EPN2: variants seen among roughly 807,000 people sequenced by gnomAD.
EPN2 encodes epsin 2, also known as epsin-2.
A neutral mutation model predicts 61.7 loss-of-function variants in EPN2; 34 were observed. The ratio of observed to expected loss-of-function variants is 0.55; its 90% CI spans 0.42 to 0.73. The LOEUF (loss-of-function observed/expected upper bound fraction) is 0.73, where lower values mean the gene tolerates loss of function less well. Among genes scored for constraint, EPN2 ranks in the 30% least tolerant of loss-of-function variants. EPN2 has a pLI of 0.00. For synonymous variants in EPN2, 349 were observed against 353.6 expected, an observed-to-expected ratio of 0.99 and a Z score of 0.15; for missense variants, 714 against 839.2, an observed-to-expected ratio of 0.85 and a Z score of 1.84.
chr17:19,313,205 C>A lies in EPN2; in HGVS notation c.1073C>A (p.Ala358Asp). 1.9e-6 allele frequency: 3 copies of A among 1,609,296 alleles called. No individual in the cohort carries two copies. Among genetic ancestry groups the A allele is most frequent in the Non-Finnish European group, 1.7e-6 (2 of 1,178,398 alleles). ...AQKAEPWGPS[A>D]STNQTNPWGG... The stretch of plus-strand genomic sequence containing the variant: ...AAAGCAGAGCCCTGGGGCCCGTCAG[C>A]CTCCACTAACCAGACCAACCCCTGG... The change falls in exon 7 of 11, where the codon GCC becomes GAC. Residue 358 changes from alanine (A) to aspartate (D), a missense_variant. Coordinates refer to ENST00000314728, the MANE Select transcript of EPN2 (RefSeq NM_014964.5).
intron 1 of EPN2, among the ~76,000 whole-genome samples, chr17:19,280,931 A>G (rs969034794): frequency 2.6e-5 from 4 of 152,220 alleles, no homozygotes; most frequent in Admixed American, 1.3e-4. Flanking sequence ...TTTGGGTTCA[A>G]TTAATTCGGT....
intron 4 of EPN2, among the ~76,000 whole-genome samples, chr17:19,290,714 AAG>A (rs1251094091): frequency 1.9e-4 from 16 of 83,556 alleles, no homozygotes; most frequent in African/African-American, 3.0e-4. Context: ...AAAAAAAAAA[AAG>A]AAAAAAAAAG....
Position 19,335,597 on chromosome 17 carries a change from C to T in EPN2, c.*1343C>T. 1 of 881,310 alleles carries T rather than the reference C, an allele frequency of 1.1e-6. No homozygotes were observed. The highest frequency in any genetic ancestry group is 2.2e-5 in the South Asian group (1 of 45,922). 54.6% of individuals were successfully genotyped at this position (881,310 alleles called of 1,614,324 possible). A position where few individuals can be genotyped will look rare whatever the true frequency, so the allele number is the denominator to read the frequency against. On this transcript the variant is annotated 3_prime_UTR_variant, in exon 11 of 11. Transcript: ENST00000314728. ...TCTGTGCCCACGGGTCCCTGGGCAA[C>T]AGTCCCTAGGCTAAGACAGGGGTGG...
At chr17:19,264,412 A>G (rs906310143) in intron 1 of EPN2, among the ~76,000 whole-genome samples, 3 of 152,180 alleles carry the variant, frequency 2.0e-5, no homozygotes, top group Non-Finnish European at 2.9e-5. Context: ...AGGGCCCGTC[A>G]AAAGCATGTG....
chr17:19,335,519 T>C lies in EPN2; in HGVS notation c.*1265T>C. ...TCTTAATCCACGCTCAGGCTAAAGA[T>C]GGGGATAATGTGGAAATGGCAGTTG... is the stretch of plus-strand genomic sequence containing the variant. On this transcript the variant is annotated 3_prime_UTR_variant, in exon 11 of 11. Coordinates refer to ENST00000314728, the MANE Select transcript of EPN2 (RefSeq NM_014964.5). 3.3e-6 allele frequency: 5 copies of C among 1,518,230 alleles called. No individual in the cohort carries two copies. The South Asian group carries it at 6.2e-5, about 19-fold the overall frequency. The allele number at this position is 1,518,230 out of a possible 1,614,324, so 94.0% of individuals were successfully genotyped here.
At chr17:19,281,346 C>T (rs912346766) in intron 1 of EPN2, among the ~76,000 whole-genome samples, 1 of 152,124 alleles carries the variant, frequency 6.6e-6, no homozygotes, top group Non-Finnish European at 1.5e-5. Context: ...GTGGAGATTC[C>T]GAGGATTTTA....
intron 4 of EPN2, among the ~76,000 whole-genome samples, chr17:19,309,170 G>T (rs1166169957): frequency 6.8e-6 from 1 of 147,754 alleles, no homozygotes; most frequent in African/African-American, 2.5e-5. Context: ...TTGAGACGGA[G>T]TCTCGCTCTG....
rs113916739 is a variant in EPN2, at chr17:19,285,589, C to CTGTGTG, written c.596-19_596-14dup. The CTGTGTG allele has an allele frequency of 1.2e-5, 17 of 1,427,436 alleles. No individual in the cohort carries two copies. Among genetic ancestry groups the CTGTGTG allele is most frequent in the Admixed American group, 4.8e-5 (2 of 41,760 alleles). 88.4% of individuals were successfully genotyped at this position (1,427,436 alleles called of 1,614,324 possible). On this transcript the variant is annotated intron_variant, in intron 3 of 10. Transcript: ENST00000314728. The surrounding 1 kb of genome is among the most constrained non-coding windows in gnomAD (Gnocchi z 4.5). ...GCGCACCCTCTAATGGCGTGTCTCT[C>CTGTGTG]TGTGTGTGTGTGTGTGTCCCTGCCC...
Position 19,237,430 on chromosome 17 carries a change from G to A in EPN2, c.-395G>A, listed in dbSNP as rs2044825291. 6.6e-6 allele frequency: 1 copy of A among 152,042 alleles called. No individual in the cohort carries two copies. The highest frequency in any genetic ancestry group is 6.6e-5 in the Admixed American group (1 of 15,266). The allele number at this position is 152,042 out of a possible 1,614,324, so 9.4% of individuals were successfully genotyped here. A position where few individuals can be genotyped will look rare whatever the true frequency, so the allele number is the denominator to read the frequency against. On this transcript the variant is annotated 5_prime_UTR_variant, in exon 1 of 11. Transcript: ENST00000314728. ...GGTGTGTGGGTGTCAAACTGAGCCA[G>A]ACGCGGCGGTGGCGGCGGCTCCGCG... is the stretch of plus-strand genomic sequence containing the variant.
chr17:19,321,245 C>T (rs373783464), intron 7 of EPN2, among the ~76,000 whole-genome samples: 11 of 152,100 alleles, frequency 7.2e-5, no homozygotes, highest in Non-Finnish European at 1.5e-5. Context: ...AGGAGGTGAC[C>T]ACCAACACTC....
At chr17:19,271,619 C>G (rs1349004445) in intron 1 of EPN2, 2 of 152,486 alleles carry the variant, frequency 1.3e-5, no homozygotes, top group East Asian at 1.9e-4. Flanking sequence ...TCACTACCAC[C>G]AGTCCCTGCA....
intron 4 of EPN2, among the ~76,000 whole-genome samples, chr17:19,300,332 G>A (rs1019182052): frequency 4.0e-5 from 6 of 151,872 alleles, no homozygotes; most frequent in Admixed American, 1.3e-4. Context: ...AGAATGTGTA[G>A]GATATTTGAA....
Position 19,335,350 on chromosome 17 carries a change from A to T in EPN2, c.*1096A>T. On this transcript the variant is annotated 3_prime_UTR_variant, in exon 11 of 11. Coordinates refer to ENST00000314728, the MANE Select transcript of EPN2 (RefSeq NM_014964.5). Reference sequence around the variant, plus strand: ...CCTGAAAGTTAAAGAAAAAAATCTAATGTATGAATGTGACTCACCAATTTT... The same window carrying T: ...CCTGAAAGTTAAAGAAAAAAATCTATTGTATGAATGTGACTCACCAATTTT... The T allele has an allele frequency of 1.3e-6, 2 of 1,513,882 alleles. No homozygotes were observed. Among genetic ancestry groups the T allele is most frequent in the Non-Finnish European group, 1.8e-6 (2 of 1,121,912 alleles). 93.8% of individuals were successfully genotyped at this position (1,513,882 alleles called of 1,614,324 possible).
chr17:19,280,313 T>C (rs568084857), intron 1 of EPN2, among the ~76,000 whole-genome samples: 2 of 152,356 alleles, frequency 1.3e-5, no homozygotes, highest in East Asian at 3.8e-4. Context: ...TTGACACATA[T>C]TTGCCCTTTA....
At chr17:19,256,580 G>A (rs1490580395) in intron 1 of EPN2, among the ~76,000 whole-genome samples, 3 of 152,092 alleles carry the variant, frequency 2.0e-5, no homozygotes, top group South Asian at 2.1e-4. Flanking sequence ...AAGGCCAGTG[G>A]TATGAGCTCA....
At chr17:19,329,242 T>C in intron 8 of EPN2, 1 of 429,280 alleles carries the variant, frequency 2.3e-6, no homozygotes, top group Non-Finnish European at 4.1e-6. Flanking sequence ...CAGACCCTCA[T>C]CCAAGCAACC....
At chr17:19,249,752 C>T (rs995904235) in intron 1 of EPN2, among the ~76,000 whole-genome samples, 2 of 152,208 alleles carry the variant, frequency 1.3e-5, no homozygotes, top group African/African-American at 4.8e-5. Flanking sequence ...GACAAATTGC[C>T]ACAAATGCAG....
intron 4 of EPN2, among the ~76,000 whole-genome samples, chr17:19,295,367 C>T (rs1328250111): frequency 3.1e-5 from 1 of 32,366 alleles, no homozygotes; most frequent in Non-Finnish European, 3.1e-4. Flanking sequence ...CACACACACA[C>T]GCGCGTGCGC....
chr17:19,272,982 A>G (rs1206504770), intron 1 of EPN2, among the ~76,000 whole-genome samples: 1 of 152,244 alleles, frequency 6.6e-6, no homozygotes, highest in Non-Finnish European at 1.5e-5. Context: ...TGCTCCTCCC[A>G]GAGACTAAAT....
Sources: gnomAD v4.1 joint callset for allele counts (sites outside exome capture counted in the v4.1 genomes callset) on GRCh38, gnomAD v4.1.1 for gene constraint, Gnocchi (gnomAD v3.1) non-coding constraint, MANE v1.5 for transcripts, NCBI Gene and HGNC (gene_info 2026-07-23, HGNC 2026-07-21) for gene names.